The following ROBO2 variants were observed in gnomAD, a reference collection of about 807,000 sequenced individuals.
ROBO2 encodes the protein roundabout homolog 2.
Under a neutral mutation model 160.8 loss-of-function variants are expected in ROBO2, and 53 were observed. The observed-to-expected ratio is 0.33, with a 90% CI of 0.26 to 0.41. The LOEUF (loss-of-function observed/expected upper bound fraction) is 0.41, where lower values mean the gene tolerates loss of function less well. Ranked by LOEUF, ROBO2 falls within the 10% of genes least tolerant of loss-of-function variation. ROBO2 has a pLI of 1.00. For synonymous variants in ROBO2, 664 were observed against 611.7 expected (o/e 1.09, Z -1.26); for missense variants, 1,577 against 1,722.4 (o/e 0.92, Z 1.49).
chr3:76,499,892 G>C (rs1365418075), intron 2 of ROBO2, among the ~76,000 whole-genome samples: 1 of 151,982 alleles, frequency 6.6e-6, no homozygotes, highest in Non-Finnish European at 1.5e-5. Context: ...GCTAGCCCGT[G>C]TGTGTGCTGA....
At chr3:77,186,371 G>A (rs1400336232) in intron 2 of ROBO2, among the ~76,000 whole-genome samples, 1 of 151,882 alleles carries the variant, frequency 6.6e-6, no homozygotes, top group Non-Finnish European at 1.5e-5. Context: ...ACTGGTAACA[G>A]AGTTAAGAAA....
At chr3:75,966,312 C>T (rs1417802703) in intron 2 of ROBO2, among the ~76,000 whole-genome samples, 5 of 151,466 alleles carry the variant, frequency 3.3e-5, no homozygotes, top group Non-Finnish European at 7.4e-5. Flanking sequence ...ATGAATGTGT[C>T]ATGAATTAAT....
chr3:76,494,382 A>G (rs2080019252), intron 2 of ROBO2, among the ~76,000 whole-genome samples: 1 of 152,204 alleles, frequency 6.6e-6, no homozygotes, highest in Non-Finnish European at 1.5e-5. Context: ...AAAAGAAATG[A>G]AGATGGAAAA....
chr3:77,149,154 C>T (rs1280900560), intron 2 of ROBO2, among the ~76,000 whole-genome samples: 1 of 151,520 alleles, frequency 6.6e-6, no homozygotes, highest in Non-Finnish European at 1.5e-5. Context: ...TCCTGCCTAG[C>T]CTCCTGAGTA....
chr3:77,221,416 A>G (rs183409984), intron 2 of ROBO2, among the ~76,000 whole-genome samples: 129 of 152,338 alleles, frequency 8.5e-4, no homozygotes, highest in Middle Eastern at 3.4e-3. Context: ...TTTTAAAGCT[A>G]GTAAGGGTGA....
At chr3:77,052,911 G>A (rs1455416540) in intron 1 of ROBO2, among the ~76,000 whole-genome samples, 6 of 152,178 alleles carry the variant, frequency 3.9e-5, no homozygotes, top group Non-Finnish European at 8.8e-5. Flanking sequence ...GGTGGCAGGT[G>A]TTAGTTTCCC....
intron 2 of ROBO2, among the ~76,000 whole-genome samples, chr3:77,001,632 T>C (rs2061340570): frequency 6.6e-6 from 1 of 152,170 alleles, no homozygotes; most frequent in Admixed American, 6.6e-5. Context: ...AAATCTATGA[T>C]TCTTCTAGAC....
At chr3:77,328,676 C>G (rs544220859) in intron 2 of ROBO2, among the ~76,000 whole-genome samples, 6 of 152,102 alleles carry the variant, frequency 3.9e-5, no homozygotes, top group Non-Finnish European at 7.4e-5. Context: ...AGTTCAGAAC[C>G]TTTTCACATT....
At chr3:76,623,001 C>G (rs2089338020) in intron 2 of ROBO2, among the ~76,000 whole-genome samples, 1 of 152,200 alleles carries the variant, frequency 6.6e-6, no homozygotes, top group African/African-American at 2.4e-5. Flanking sequence ...CCCTTTCTCT[C>G]TCACTCCTCT....
chr3:77,177,534 A>C (rs2080273395), intron 2 of ROBO2, among the ~76,000 whole-genome samples: 1 of 151,958 alleles, frequency 6.6e-6, no homozygotes, highest in African/African-American at 2.4e-5. Flanking sequence ...AATGTAATAT[A>C]AATGCTATGT....
Position 77,084,194 on chromosome 3 carries a change from T to A in ROBO2, c.62-13820T>A, listed in dbSNP as rs527976445. Among the ~76,000 whole-genome samples the A allele has an allele frequency of 1.1e-4, 16 of 152,162 alleles. No homozygotes were observed. In the East Asian group the frequency reaches 2.7e-3, roughly 26 times the overall value. ...GTAATAATGTTCTTTTAAAAAAAAT[T>A]TCAACAGCAGTGAGCGCATCACTAA... On this transcript the variant is annotated intron_variant, in intron 1 of 25. Transcript: ENST00000461745.
At chr3:76,508,319 A>G (rs1426704906) in intron 2 of ROBO2, among the ~76,000 whole-genome samples, 4 of 152,108 alleles carry the variant, frequency 2.6e-5, no homozygotes, top group Admixed American at 1.3e-4. Flanking sequence ...TCTTTTAACC[A>G]TTGGCAACAT....
chr3:77,395,055 T>C (rs2075133483), intron 2 of ROBO2, among the ~76,000 whole-genome samples: 1 of 152,194 alleles, frequency 6.6e-6, no homozygotes, highest in African/African-American at 2.4e-5. Flanking sequence ...TTTCTCTTGC[T>C]ATTTGAATTT....
chr3:77,519,579 A>G (rs1404916836), intron 5 of ROBO2, among the ~76,000 whole-genome samples: 2 of 151,036 alleles, frequency 1.3e-5, no homozygotes, highest in African/African-American at 4.9e-5. Flanking sequence ...CCCAATTTTC[A>G]CCTTCCACTT....
chr3:77,456,888 T>A (rs994302064), intron 2 of ROBO2, among the ~76,000 whole-genome samples: 21 of 151,430 alleles, frequency 1.4e-4, no homozygotes, highest in Non-Finnish European at 3.1e-4. Flanking sequence ...GATATGGCAA[T>A]GTGAGGCATA....
At chr3:77,484,650 T>C (rs1355115556) in intron 4 of ROBO2, among the ~76,000 whole-genome samples, 1 of 152,022 alleles carries the variant, frequency 6.6e-6, no homozygotes, top group Admixed American at 6.6e-5. Context: ...ATCAATTTCA[T>C]ACATTATTTG....
intron 2 of ROBO2, among the ~76,000 whole-genome samples, chr3:76,934,208 T>C (rs59045350): frequency 0.45 from 64,964 of 145,758 alleles, 14,340 homozygotes; most frequent in African/African-American, 0.53. Context: ...AGATCGAAAA[T>C]AGAAAAAAAA....
chr3:76,721,430 C>T (rs1324208489), intron 2 of ROBO2, among the ~76,000 whole-genome samples: 3 of 152,034 alleles, frequency 2.0e-5, no homozygotes, highest in African/African-American at 4.8e-5. Flanking sequence ...ACGGAACTGT[C>T]GTTGTGATAT....
At chr3:76,222,075 G>T (rs1211265017) in intron 2 of ROBO2, among the ~76,000 whole-genome samples, 1 of 152,124 alleles carries the variant, frequency 6.6e-6, no homozygotes, top group South Asian at 2.1e-4. Flanking sequence ...GCCATAGCTA[G>T]GTCAGCCTTG....
Sources: allele counts gnomAD v4.1 joint callset (sites outside exome capture counted in the v4.1 genomes callset), GRCh38; gene constraint gnomAD v4.1.1; transcripts MANE v1.5; gene names NCBI Gene and HGNC (gene_info 2026-07-23, HGNC 2026-07-21).